The following SLC16A7 variants were observed in gnomAD, a reference collection of about 807,000 sequenced individuals.
The protein encoded by SLC16A7 is monocarboxylate transporter 2.
In SLC16A7, 33 loss-of-function variants were observed where a neutral mutation model predicts 34.9. The ratio of observed to expected loss-of-function variants is 0.94; its 90% CI spans 0.72 to 1.26. SLC16A7 has a LOEUF of 1.26. Ranked by LOEUF, SLC16A7 falls within the 50% of genes most tolerant of loss-of-function variation. SLC16A7 has a pLI of 0.00. For missense variants in SLC16A7, 573 were observed against 578.1 expected, an observed-to-expected ratio of 0.99 and a Z score of 0.09; for synonymous variants, 201 against 206.6, an observed-to-expected ratio of 0.97 and a Z score of 0.23.
intron 1 of SLC16A7, among the ~76,000 whole-genome samples, chr12:59,621,336 G>A (rs1879687684): frequency 6.6e-6 from 1 of 151,952 alleles, no homozygotes; most frequent in Non-Finnish European, 1.5e-5. Context: ...TCTGACTACT[G>A]TAAAGTGATC....
intron 3 of SLC16A7, among the ~76,000 whole-genome samples, chr12:59,714,013 C>T (rs933706448): frequency 1.3e-4 from 20 of 152,188 alleles, no homozygotes; most frequent in African/African-American, 4.6e-4. Flanking sequence ...TGCCATGCAA[C>T]AGCAGAAAAT....
chr12:59,637,410 C>G (rs1029415816), intron 1 of SLC16A7, among the ~76,000 whole-genome samples: 10 of 150,694 alleles, frequency 6.6e-5, no homozygotes, highest in Non-Finnish European at 1.0e-4. Flanking sequence ...TCACCTCGGT[C>G]TCGTTGAGGC....
intron 3 of SLC16A7, among the ~76,000 whole-genome samples, chr12:59,752,922 C>A (rs902708298): frequency 2.0e-5 from 3 of 152,208 alleles, no homozygotes; most frequent in African/African-American, 7.2e-5. Context: ...AGAAACTCTA[C>A]AAGCCAGAAG....
chr12:59,694,600 A>C lies in SLC16A7; in HGVS notation c.-30-10172A>C, dbSNP rs139593766. Among the ~76,000 whole-genome samples the C allele has an allele frequency of 1.4e-3, 213 of 152,038 alleles. 1 individual carries two copies. Among genetic ancestry groups the C allele is most frequent in the Middle Eastern group, 6.8e-3 (2 of 294 alleles). ...AATACAGTATTGTTAACTACAGATA[A>C]TATGCTGTACAGTAGATCTCTAAGA... On this transcript the variant is annotated intron_variant, in intron 2 of 5. Coordinates refer to ENST00000547379, the MANE Select transcript of SLC16A7 (RefSeq NM_001270623.2).
chr12:59,696,876 C>T (rs1872360587), intron 2 of SLC16A7, among the ~76,000 whole-genome samples: 1 of 151,766 alleles, frequency 6.6e-6, no homozygotes, highest in African/African-American at 2.4e-5. Context: ...GCGCCTTGCA[C>T]CCTGGAACCC....
chr12:59,749,723 T>C (rs1175506916), intron 3 of SLC16A7, among the ~76,000 whole-genome samples: 1 of 152,200 alleles, frequency 6.6e-6, no homozygotes, highest in Non-Finnish European at 1.5e-5. Flanking sequence ...AGAGAGAAGA[T>C]GTTTTGCAAG....
chr12:59,626,626 G>GCCA (rs779814834), intron 1 of SLC16A7, among the ~76,000 whole-genome samples: 3 of 151,666 alleles, frequency 2.0e-5, no homozygotes, highest in African/African-American at 4.8e-5. Context: ...ACATTTGCCA[G>GCCA]CCACCCATCC....
rs1476635604 is a variant in SLC16A7 at position 59,779,612 on chromosome 12, C to T, written c.1370C>T (p.Ser457Leu). ...ESEPLSKSKH[S>L]EDVNVKVSNA... ...GAACCCTTGAGCAAATCTAAACATT[C>T]GGAAGATGTTAACGTCAAAGTTTCA... Residue 457 changes from serine (S) to leucine (L), a missense_variant, in exon 6 of 6, where the codon TCG (serine) becomes TTG (leucine). Ser to Leu is a moderately radical substitution (Grantham distance 145). Coordinates refer to ENST00000547379, the MANE Select transcript of SLC16A7 (RefSeq NM_001270623.2). 9.9e-6 allele frequency: 16 copies of T among 1,610,428 alleles called. No individual in the cohort carries two copies. The East Asian group carries it at 1.1e-4, about 11-fold the overall frequency.
rs1883180164 is a variant in SLC16A7 at position 59,780,646 on chromosome 12, A to G, written c.*967A>G. 1 of 152,164 alleles carries G rather than the reference A, an allele frequency of 6.6e-6. No homozygotes were observed. Among genetic ancestry groups the G allele is most frequent in the South Asian group, 2.1e-4 (1 of 4,834 alleles). 9.4% of individuals were successfully genotyped at this position (152,164 alleles called of 1,614,324 possible). A position where few individuals can be genotyped will look rare whatever the true frequency, so the allele number is the denominator to read the frequency against. On this transcript the variant is annotated 3_prime_UTR_variant, in exon 6 of 6. Transcript: ENST00000547379. ...GGGATTTTATTTTAATCAGGCATCA[A>G]TCCAGATTCACTGTTATACTGAAAT...
chr12:59,739,357 T>C (rs1223591907), intron 3 of SLC16A7, among the ~76,000 whole-genome samples: 2 of 141,618 alleles, frequency 1.4e-5, no homozygotes, highest in Non-Finnish European at 3.0e-5. Context: ...TCCATGTCCC[T>C]ACAAAGGACA....
chr12:59,728,113 CAGT>C (rs1481475827), intron 3 of SLC16A7, among the ~76,000 whole-genome samples: 1 of 152,034 alleles, frequency 6.6e-6, no homozygotes, highest in Non-Finnish European at 1.5e-5. Context: ...TCAAAACATA[CAGT>C]AAAAAGGCAG....
intron 3 of SLC16A7, among the ~76,000 whole-genome samples, chr12:59,757,908 T>C (rs1880575004): frequency 1.3e-5 from 2 of 152,200 alleles, no homozygotes; most frequent in African/African-American, 2.4e-5. Flanking sequence ...ATAATACATA[T>C]ACAAAATGTG....
chr12:59,606,547 AT>A (rs1878949024), intron 1 of SLC16A7, among the ~76,000 whole-genome samples: 1 of 152,158 alleles, frequency 6.6e-6, no homozygotes, highest in Admixed American at 6.5e-5. Context: ...TGTAAGATAG[AT>A]TATATTCATT....
intron 2 of SLC16A7, among the ~76,000 whole-genome samples, chr12:59,694,208 A>G (rs376268162): frequency 4.2e-4 from 64 of 152,034 alleles, no homozygotes; most frequent in African/African-American, 1.5e-3. Context: ...CTTTATGCCT[A>G]CTTGGACTTC....
At chr12:59,645,806 T>G (rs1880883267) in intron 1 of SLC16A7, among the ~76,000 whole-genome samples, 1 of 152,092 alleles carries the variant, frequency 6.6e-6, no homozygotes, top group Non-Finnish European at 1.5e-5. Context: ...CATAGAGACT[T>G]GTTGAATGGC....
chr12:59,753,710 T>C (rs920105526), intron 3 of SLC16A7, among the ~76,000 whole-genome samples: 4 of 151,996 alleles, frequency 2.6e-5, no homozygotes, highest in African/African-American at 9.7e-5. Flanking sequence ...GACAGAAAGT[T>C]AACAAGGATA....
intron 1 of SLC16A7, among the ~76,000 whole-genome samples, chr12:59,613,032 TACCA>T (rs551243475): frequency 1.3e-5 from 2 of 152,358 alleles, no homozygotes; most frequent in South Asian, 4.1e-4. Flanking sequence ...CCACTCCTGG[TACCA>T]ATTTACTGTA....
rs1868636312 is a variant in SLC16A7, at chr12:59,658,185, T to A, written c.-31+2935T>A. ...ATGGTGTGTTTTAGTAAAATGAGAT[T>A]TCTCTTTTTCCTCAAATACGTGTGG... On this transcript the variant is annotated intron_variant, in intron 2 of 5. Transcript: ENST00000547379. 2.0e-5 allele frequency among the ~76,000 whole-genome samples: 3 copies of A among 152,134 alleles called. No individual in the cohort carries two copies. In the South Asian group the frequency reaches 6.2e-4, roughly 32 times the overall value.
chr12:59,660,949 T>C (rs998117002), intron 2 of SLC16A7, among the ~76,000 whole-genome samples: 2 of 152,124 alleles, frequency 1.3e-5, no homozygotes, highest in African/African-American at 2.4e-5. Context: ...CTTCTTATTT[T>C]ACAAATGGCA....
Sources: allele counts gnomAD v4.1 joint callset (sites outside exome capture counted in the v4.1 genomes callset), GRCh38; gene constraint gnomAD v4.1.1; transcripts MANE v1.5; gene names NCBI Gene and HGNC (gene_info 2026-07-23, HGNC 2026-07-21).